NFIB: variants seen among roughly 807,000 people sequenced by gnomAD.
NFIB encodes nuclear factor I B.
A neutral mutation model predicts 61.5 loss-of-function variants in NFIB; 11 were observed. That is an observed-to-expected ratio of 0.18 (90% confidence interval 0.11 to 0.30). The LOEUF is 0.30. Ranked by LOEUF, NFIB falls within the 10% of genes least tolerant of loss-of-function variation. The probability of loss-of-function intolerance (pLI) is 1.00; values close to 1 mark genes in which losing one functional copy is unlikely to be tolerated. For synonymous variants in NFIB, 260 were observed against 216.5 expected (o/e 1.20, Z -1.76); for missense variants, 471 against 608.9 (o/e 0.77, Z 2.38).
intron 2 of NFIB, among the ~76,000 whole-genome samples, chr9:14,201,858 T>A (rs1238960117): frequency 2.0e-5 from 3 of 152,152 alleles, no homozygotes; most frequent in Non-Finnish European, 2.9e-5. Context: ...CATTCAATAT[T>A]CTGATTGTGA....
chr9:14,226,691 A>G (rs539668250), intron 2 of NFIB, among the ~76,000 whole-genome samples: 2 of 152,376 alleles, frequency 1.3e-5, no homozygotes, highest in East Asian at 3.9e-4. Context: ...TTAGACTAAT[A>G]CAGCCAAAGA....
chr9:14,460,506 T>G, the NFIB span, among the ~76,000 whole-genome samples: 1 of 151,384 alleles, frequency 6.6e-6, no homozygotes, highest in Non-Finnish European at 1.5e-5. Context: ...ACCCTAAAAC[T>G]TAAAGTATAA....
At chr9:14,276,466 G>A (rs2058008163) in intron 2 of NFIB, among the ~76,000 whole-genome samples, 2 of 152,070 alleles carry the variant, frequency 1.3e-5, no homozygotes, top group Non-Finnish European at 1.5e-5. Context: ...GCAATTTAAG[G>A]AATGAAAGGA....
At chr9:14,336,484 C>G (rs995914101) in intron 1 of NFIB, among the ~76,000 whole-genome samples, 4 of 152,190 alleles carry the variant, frequency 2.6e-5, no homozygotes, top group Non-Finnish European at 5.9e-5. Flanking sequence ...GGAGAGCCAC[C>G]TATTTATGGT....
intron 2 of NFIB, among the ~76,000 whole-genome samples, chr9:14,286,449 C>T (rs535583750): frequency 1.1e-4 from 17 of 152,160 alleles, no homozygotes; most frequent in Non-Finnish European, 1.8e-4. Flanking sequence ...GTACACACTA[C>T]AAAAATATTT....
chr9:14,518,552 G>A, the NFIB span, among the ~76,000 whole-genome samples: 2 of 151,762 alleles, frequency 1.3e-5, no homozygotes, highest in Non-Finnish European at 2.9e-5. Flanking sequence ...GTGGATATGA[G>A]AAAGAGGAGT....
intron 1 of NFIB, among the ~76,000 whole-genome samples, chr9:14,395,773 C>A (rs2061678352): frequency 7.2e-6 from 1 of 139,430 alleles, no homozygotes; most frequent in Non-Finnish European, 1.5e-5. Context: ...AACAGCATCC[C>A]AGAATGCCTC....
At chr9:14,316,036 G>A (rs566315702), upstream of NFIB, among the ~76,000 whole-genome samples, 5 of 152,094 alleles carry the variant, frequency 3.3e-5, no homozygotes, top group African/African-American at 1.2e-4. Context: ...CTCAACTTTA[G>A]CCCCTCTCAC....
chr9:14,531,872 G>C, the NFIB span: 1 of 152,082 alleles, frequency 6.6e-6, no homozygotes, highest in East Asian at 1.9e-4. Flanking sequence ...TGGAACAATA[G>C]AGGAGGAGCT....
At chr9:14,441,134 CAAAAA>C in the NFIB span, among the ~76,000 whole-genome samples, 4 of 100,948 alleles carry the variant, frequency 4.0e-5, no homozygotes, top group Non-Finnish European at 6.1e-5. Flanking sequence ...TGAGTGGGTT[CAAAAA>C]AAAAAAAAAA....
chr9:14,452,283 T>C, the NFIB span, among the ~76,000 whole-genome samples: 1 of 151,724 alleles, frequency 6.6e-6, no homozygotes, highest in African/African-American at 2.4e-5. Context: ...CCACCCTTAC[T>C]GTTTTCATTG....
the NFIB span, among the ~76,000 whole-genome samples, chr9:14,440,157 G>T: frequency 6.6e-6 from 1 of 152,174 alleles, no homozygotes. Context: ...GAGGCACCTG[G>T]TGTGAGCTGG....
At chr9:14,454,872 T>C in the NFIB span, among the ~76,000 whole-genome samples, 4 of 152,216 alleles carry the variant, frequency 2.6e-5, no homozygotes, top group African/African-American at 7.2e-5. Flanking sequence ...GGTCTCCCCA[T>C]TGCTTTTCCC....
At chr9:14,194,605 A>T (rs984686932) in intron 2 of NFIB, among the ~76,000 whole-genome samples, 4 of 152,242 alleles carry the variant, frequency 2.6e-5, no homozygotes, top group Non-Finnish European at 5.9e-5. Flanking sequence ...CAGTTCTTCC[A>T]ATGTACTGTA....
At chr9:14,404,233 CA>C in the NFIB span, among the ~76,000 whole-genome samples, 12 of 152,142 alleles carry the variant, frequency 7.9e-5, no homozygotes, top group African/African-American at 2.9e-4. Context: ...TACCAGCTAT[CA>C]AAAATGCAAG....
chr9:14,129,855 T>C (rs2040191391), intron 6 of NFIB, among the ~76,000 whole-genome samples: 1 of 152,092 alleles, frequency 6.6e-6, no homozygotes, highest in South Asian at 2.1e-4. Context: ...GAATAATACA[T>C]AAAATAAAGC....
At chr9:14,180,354 A>G (rs1017140662) in intron 2 of NFIB, among the ~76,000 whole-genome samples, 1 of 152,196 alleles carries the variant, frequency 6.6e-6, no homozygotes, top group Non-Finnish European at 1.5e-5. Flanking sequence ...AGGAAAGCAT[A>G]AATTACTAGG....
At chr9:14,269,521 CA>C (rs1563961573) in intron 2 of NFIB, among the ~76,000 whole-genome samples, 1 of 152,198 alleles carries the variant, frequency 6.6e-6, no homozygotes, top group Non-Finnish European at 1.5e-5. Flanking sequence ...ATACATCTGT[CA>C]GGCTATTGAG....
intron 1 of NFIB, among the ~76,000 whole-genome samples, chr9:14,335,444 C>G (rs1014364319): frequency 1.3e-5 from 2 of 152,154 alleles, no homozygotes; most frequent in Non-Finnish European, 1.5e-5. Context: ...TAAATAATAG[C>G]GTTGAACATC....
Sources: allele counts gnomAD v4.1 joint callset (sites outside exome capture counted in the v4.1 genomes callset), GRCh38; gene constraint gnomAD v4.1.1; transcripts MANE v1.5; gene names NCBI Gene and HGNC (gene_info 2026-07-23, HGNC 2026-07-21).